Variants in KLF8 observed in about 807,000 individuals in gnomAD.
KLF8 encodes KLF transcription factor 8.
Under a neutral mutation model 18.2 loss-of-function variants are expected in KLF8, and 10 were observed. That is an observed-to-expected ratio of 0.55 (90% CI 0.34 to 0.93). KLF8 has a LOEUF of 0.93. Ranked by LOEUF, KLF8 falls within the 40% of genes least tolerant of loss-of-function variation. The pLI, the probability that KLF8 is intolerant of heterozygous loss-of-function variation, is 0.02. For synonymous variants in KLF8, 109 were observed against 97.3 expected (o/e 1.12, Z -0.71); for missense variants, 264 against 277.9 (o/e 0.95, Z 0.36).
At chrX:56,080,440 T>G in the KLF8 span, among the ~76,000 whole-genome samples, 1 of 111,473 alleles carries the variant, frequency 9.0e-6, no homozygotes, top group Non-Finnish European at 1.9e-5. Flanking sequence ...AATTCTGGGT[T>G]GAAAATTCTT....
the KLF8 span, among the ~76,000 whole-genome samples, chrX:56,195,273 A>G: frequency 5.3e-5 from 6 of 112,161 alleles, no homozygotes; most frequent in East Asian, 1.7e-3. Flanking sequence ...GGTCAGTAAT[A>G]ACAAACTTTT....
chrX:56,014,624 T>C, the KLF8 span, among the ~76,000 whole-genome samples: 1 of 111,472 alleles, frequency 9.0e-6, no homozygotes, highest in Non-Finnish European at 1.9e-5. Flanking sequence ...GTCCCATTAC[T>C]GTGTATATAC....
chrX:55,978,708 T>TA, the KLF8 span, among the ~76,000 whole-genome samples: 5 of 111,745 alleles, frequency 4.5e-5, no homozygotes, highest in Admixed American at 1.9e-4. Context: ...TTTTTATTAT[T>TA]AAAAAACTCA....
chrX:55,993,128 G>A, the KLF8 span, among the ~76,000 whole-genome samples: 1 of 111,144 alleles, frequency 9.0e-6, no homozygotes, highest in African/African-American at 3.3e-5. Context: ...AGCACTTTCA[G>A]TACTATGTTG....
the KLF8 span, among the ~76,000 whole-genome samples, chrX:56,157,297 A>T: frequency 1.2e-4 from 13 of 109,746 alleles, no homozygotes; most frequent in Non-Finnish European, 1.9e-5. Context: ...TCACAAGTTA[A>T]TGGGTGCAGC....
At chrX:55,988,603 A>T in the KLF8 span, among the ~76,000 whole-genome samples, 1 of 111,616 alleles carries the variant, frequency 9.0e-6, no homozygotes, top group Non-Finnish European at 1.9e-5. Flanking sequence ...TGGTTACTGT[A>T]GCCTTGTAGT....
At chrX:56,070,607 A>G in the KLF8 span, among the ~76,000 whole-genome samples, 3 of 110,712 alleles carry the variant, frequency 2.7e-5, no homozygotes, top group Middle Eastern at 4.6e-3. Flanking sequence ...GTAGGAGTTG[A>G]ACAATGAGAA....
the KLF8 span, among the ~76,000 whole-genome samples, chrX:56,088,135 A>G: frequency 5.4e-5 from 6 of 111,539 alleles, no homozygotes; most frequent in Admixed American, 5.7e-4. Flanking sequence ...GAAAAATTAT[A>G]GTCCAAATAG....
the KLF8 span, among the ~76,000 whole-genome samples, chrX:55,976,144 A>G: frequency 8.9e-6 from 1 of 112,225 alleles, no homozygotes; most frequent in Non-Finnish European, 1.9e-5. Flanking sequence ...ATATTTTCAT[A>G]TATCTATACA....
At chrX:56,194,861 G>A in the KLF8 span, among the ~76,000 whole-genome samples, 1 of 112,081 alleles carries the variant, frequency 8.9e-6, no homozygotes, top group Non-Finnish European at 1.9e-5. Context: ...GCTTCCAGAG[G>A]AAGGATCAGA....
chrX:56,035,824 C>T, the KLF8 span, among the ~76,000 whole-genome samples: 2 of 111,340 alleles, frequency 1.8e-5, no homozygotes, highest in African/African-American at 3.3e-5. Flanking sequence ...GATTGTTTGG[C>T]TTTTTTGCTG....
chrX:56,174,369 T>G, the KLF8 span, among the ~76,000 whole-genome samples: 4 of 112,008 alleles, frequency 3.6e-5, no homozygotes, highest in African/African-American at 6.5e-5. Context: ...GGTTTTTGTC[T>G]TTGGTTCTGT....
the KLF8 span, among the ~76,000 whole-genome samples, chrX:56,223,058 A>T: frequency 8.8e-6 from 1 of 113,322 alleles, no homozygotes; most frequent in Admixed American, 9.2e-5. Context: ...CACGGAGGCC[A>T]GGGAGGCGCC....
intron 5 of KLF8, among the ~76,000 whole-genome samples, chrX:56,280,147 T>C (rs1285144914): frequency 8.9e-6 from 1 of 112,420 alleles, no homozygotes; most frequent in Non-Finnish European, 1.9e-5. Context: ...TTGTTAAACA[T>C]ACTGTGTTCA....
the KLF8 span, among the ~76,000 whole-genome samples, chrX:56,012,703 C>G: frequency 9.0e-6 from 1 of 111,398 alleles, no homozygotes; most frequent in Non-Finnish European, 1.9e-5. Flanking sequence ...ACCCCATCAT[C>G]TCAGCCCAAA....
At chrX:56,181,362 C>T in the KLF8 span, among the ~76,000 whole-genome samples, 2 of 111,377 alleles carry the variant, frequency 1.8e-5, no homozygotes, top group African/African-American at 6.5e-5. Flanking sequence ...TGTGTCTCTG[C>T]ACCTGAGATG....
At chrX:56,079,484 T>C in the KLF8 span, among the ~76,000 whole-genome samples, 1 of 112,181 alleles carries the variant, frequency 8.9e-6, no homozygotes, top group Non-Finnish European at 1.9e-5. Context: ...AGTTCTAGTT[T>C]GATTGCATTG....
At chrX:56,038,656 T>C in the KLF8 span, among the ~76,000 whole-genome samples, 2 of 112,493 alleles carry the variant, frequency 1.8e-5, no homozygotes, top group South Asian at 7.4e-4. Context: ...TTTGCTATTA[T>C]TAATAGTGCT....
chrX:56,105,274 A>G, the KLF8 span, among the ~76,000 whole-genome samples: 1 of 111,036 alleles, frequency 9.0e-6, no homozygotes, highest in Non-Finnish European at 1.9e-5. Flanking sequence ...ATCCTTGTTA[A>G]CCTTCTGTCT....
Sources: gnomAD v4.1 joint callset for allele counts (sites outside exome capture counted in the v4.1 genomes callset) on GRCh38, gnomAD v4.1.1 for gene constraint, MANE v1.5 for transcripts, NCBI Gene and HGNC (gene_info 2026-07-23, HGNC 2026-07-21) for gene names.